The following COL11A1 variants were observed in gnomAD, a reference collection of about 807,000 sequenced individuals.
COL11A1 encodes collagen type XI alpha 1 chain.
In COL11A1, 74 loss-of-function variants were observed where a neutral mutation model predicts 265.2. The observed-to-expected ratio is 0.28, with a 90% confidence interval of 0.23 to 0.34. The LOEUF is 0.34. Among genes scored for constraint, COL11A1 ranks in the 10% least tolerant of loss-of-function variants. The pLI is 1.00. For missense variants in COL11A1, 2,165 were observed against 2,263.6 expected (o/e 0.96, Z 0.88); for synonymous variants, 816 against 727.6 (o/e 1.12, Z -1.96).
At position 103,017,813 on chromosome 1, in the gene COL11A1, C is replaced by A; in HGVS notation, c.1413+7G>T. ...TTTGTAATGAGATATCATGTCCATT[C>A]ACTTACCCTATCGCCAGGGTCACCA... On this transcript the variant is annotated splice_region_variant and intron_variant, in intron 11 of 66. Coordinates refer to ENST00000370096, the MANE Select transcript of COL11A1 (RefSeq NM_001854.4). 1 of 1,610,552 alleles carries A rather than the reference C, an allele frequency of 6.2e-7. No homozygotes were observed. Among genetic ancestry groups the A allele is most frequent in the Non-Finnish European group, 8.5e-7 (1 of 1,176,914 alleles).
intron 24 of COL11A1, among the ~76,000 whole-genome samples, chr1:103,000,195 T>C (rs1193644653): frequency 6.6e-6 from 1 of 151,816 alleles, no homozygotes; most frequent in African/African-American, 2.4e-5. Flanking sequence ...TCAAGTGCAA[T>C]ACAAAATAAA....
intron 4 of COL11A1, among the ~76,000 whole-genome samples, chr1:103,053,908 T>C (rs1332795514): frequency 6.6e-6 from 1 of 152,182 alleles, no homozygotes; most frequent in Non-Finnish European, 1.5e-5. Context: ...AAACCTCCTT[T>C]TAGAAAGAAC....
intron 63 of COL11A1, among the ~76,000 whole-genome samples, chr1:102,884,864 A>G (rs2100828756): frequency 6.6e-6 from 1 of 152,288 alleles, no homozygotes. Context: ...AAACTTTTTA[A>G]TAAACTTTCA....
intron 46 of COL11A1, among the ~76,000 whole-genome samples, chr1:102,928,347 G>A (rs951263634): frequency 1.3e-4 from 19 of 150,442 alleles, no homozygotes; most frequent in African/African-American, 3.9e-4. Context: ...GAGAATATGC[G>A]GTGTTTGGTT....
chr1:103,024,532 G>A (rs1420651759), intron 7 of COL11A1, among the ~76,000 whole-genome samples: 1 of 151,994 alleles, frequency 6.6e-6, no homozygotes, highest in Non-Finnish European at 1.5e-5. Flanking sequence ...TGTATTCTTA[G>A]ATAAGGAGTA....
At position 103,014,457 on chromosome 1, in the gene COL11A1, A is replaced by G; in HGVS notation, c.1572+54T>C. 2.2e-6 allele frequency: 3 copies of G among 1,387,588 alleles called. No homozygotes were observed. The Admixed American group carries it at 5.0e-5, about 23-fold the overall frequency. The allele number at this position is 1,387,588 out of a possible 1,614,324, so 86.0% of individuals were successfully genotyped here. A position where few individuals can be genotyped will look rare whatever the true frequency, so the allele number is the denominator to read the frequency against. ...GCATCTTCCGTATGTACACACATATATACTTGATACAGAGTCAGTCATCTT... is the reference window on the plus strand; with the variant it reads ...GCATCTTCCGTATGTACACACATATGTACTTGATACAGAGTCAGTCATCTT... On this transcript the variant is annotated intron_variant, in intron 13 of 66. Transcript: ENST00000370096.
At chr1:103,100,326 A>G (rs547711135) in intron 1 of COL11A1, 66 of 152,064 alleles carry the variant, frequency 4.3e-4, no homozygotes, top group African/African-American at 1.5e-3. Flanking sequence ...CTTTTACTTA[A>G]TGAAACCAAG....
At position 102,915,503 on chromosome 1, in the gene COL11A1, T is replaced by A. The variant is rs1199342306; in HGVS notation, c.3816+128A>T. On this transcript the variant is annotated intron_variant, in intron 50 of 66. Coordinates refer to ENST00000370096, the MANE Select transcript of COL11A1 (RefSeq NM_001854.4). ...TTAAACAAGGCTTTGTATTTGTGAT[T>A]TTCCTTAATGAGTTGGGAAGGGAAA... is the stretch of plus-strand genomic sequence containing the variant. 9.9e-6 allele frequency: 8 copies of A among 806,100 alleles called. No homozygotes were observed. The Admixed American group carries it at 1.4e-4, about 15-fold the overall frequency. The allele number at this position is 806,100 out of a possible 1,614,324, so 49.9% of individuals were successfully genotyped here.
intron 57 of COL11A1, among the ~76,000 whole-genome samples, chr1:102,895,084 C>T (rs372202712): frequency 6.6e-6 from 1 of 151,900 alleles, no homozygotes; most frequent in Non-Finnish European, 1.5e-5. Context: ...AGTTTTTTAC[C>T]ATGTGAAATA....
At chr1:102,961,442 TA>T (rs1272523866) in intron 41 of COL11A1, among the ~76,000 whole-genome samples, 1 of 152,172 alleles carries the variant, frequency 6.6e-6, no homozygotes, top group Admixed American at 6.6e-5. Context: ...ACAAATTAAA[TA>T]TGTTTTATAA....
Position 102,962,687 on chromosome 1 carries a change from C to T in COL11A1, c.2990G>A (p.Gly997Asp), listed in dbSNP as rs772357889. ...PGPPGPPGEQ[G>D]LPGAAGKEGA... Reference sequence around the variant, plus strand: ...TTCTTTTCCTGCAGCACCAGGAAGACCTTGCTCACCAGGAGGGCCAGGAGG... The same window carrying T: ...TTCTTTTCCTGCAGCACCAGGAAGATCTTGCTCACCAGGAGGGCCAGGAGG... The change falls in exon 39 of 67, where the codon GGT becomes GAT. Residue 997 changes from glycine to aspartate, a missense_variant. Coordinates refer to ENST00000370096, the MANE Select transcript of COL11A1 (RefSeq NM_001854.4). 1.1e-5 allele frequency: 18 copies of T among 1,614,118 alleles called. No homozygotes were observed. Among genetic ancestry groups the T allele is most frequent in the Non-Finnish European group, 1.4e-5 (16 of 1,180,000 alleles).
chr1:102,937,618 A>T (rs1405421627), intron 44 of COL11A1, among the ~76,000 whole-genome samples: 3 of 152,120 alleles, frequency 2.0e-5, no homozygotes, highest in Non-Finnish European at 4.4e-5. Context: ...CCCATGAAAG[A>T]GGGTTGTTTT....
In COL11A1 at chr1:102,912,181, G is replaced by A. The variant is rs773288292; in HGVS notation, c.4064C>T (p.Pro1355Leu). The A allele has an allele frequency of 1.9e-6, 3 of 1,611,632 alleles. No individual in the cohort carries two copies. Among genetic ancestry groups the A allele is most frequent in the Non-Finnish European group, 2.5e-6 (3 of 1,178,942 alleles). ...GPPGPSGEAGPPGPPGKRGPP... is the reference protein window; with the variant it reads ...GPPGPSGEAGLPGPPGKRGPP... ...TACTCGTTTTCCAGGAGGACCTGGTGGGCCAGCCTCACCAGATGGGCCAGG... is the reference window on the plus strand; with the variant it reads ...TACTCGTTTTCCAGGAGGACCTGGTAGGCCAGCCTCACCAGATGGGCCAGG... Residue 1355 changes from proline (P) to leucine (L), a missense_variant, in exon 54 of 67, where the codon CCA becomes CTA. By Grantham distance (98) the Pro-to-Leu change is moderately conservative. Coordinates refer to ENST00000370096, the MANE Select transcript of COL11A1 (RefSeq NM_001854.4).
intron 4 of COL11A1, among the ~76,000 whole-genome samples, chr1:103,038,092 G>A (rs1668514471): frequency 6.6e-6 from 1 of 152,140 alleles, no homozygotes; most frequent in African/African-American, 2.4e-5. Context: ...GCCTAATGAA[G>A]GGGATGGAGG....
chr1:103,014,703 A>G, intron 12 of COL11A1, 109 bp from the exon 13 acceptor site: 2 of 868,728 alleles, frequency 2.3e-6, no homozygotes, highest in East Asian at 2.6e-5. Context: ...GGGATTTTAC[A>G]AAATTACAAA....
intron 46 of COL11A1, among the ~76,000 whole-genome samples, chr1:102,925,717 A>T (rs1220118745): frequency 1.3e-5 from 2 of 152,124 alleles, no homozygotes; most frequent in Non-Finnish European, 2.9e-5. Flanking sequence ...CAATTTCAGA[A>T]ATTCAAAATC....
chr1:103,028,501 C>T (rs1369722731), intron 5 of COL11A1, among the ~76,000 whole-genome samples: 2 of 152,066 alleles, frequency 1.3e-5, no homozygotes, highest in Non-Finnish European at 2.9e-5. Flanking sequence ...ATTCTCTCCC[C>T]TCATTATGGA....
At chr1:102,898,554 T>G (rs1292862353) in intron 56 of COL11A1, 112 bp downstream of exon 56, 2 of 751,504 alleles carry the variant, frequency 2.7e-6, no homozygotes, top group Admixed American at 4.7e-5. Context: ...TCCCACAAAA[T>G]TATCCACGTT....
chr1:103,065,539 A>G (rs1384290152), intron 4 of COL11A1, among the ~76,000 whole-genome samples: 2 of 121,552 alleles, frequency 1.6e-5, no homozygotes, highest in Non-Finnish European at 3.3e-5. Context: ...AAAAAAAAAA[A>G]AAAAAAAAGA....
Sources: gnomAD v4.1 joint callset for allele counts (sites outside exome capture counted in the v4.1 genomes callset) on GRCh38, gnomAD v4.1.1 for gene constraint, MANE v1.5 for transcripts, NCBI Gene and HGNC (gene_info 2026-07-23, HGNC 2026-07-21) for gene names.